Variants in FHAD1 observed in about 807,000 individuals in gnomAD.
The protein encoded by FHAD1 is forkhead associated phosphopeptide binding domain 1, also known as forkhead-associated domain-containing protein 1.
Under a neutral mutation model 191.3 loss-of-function variants are expected in FHAD1, and 146 were observed. That is an observed-to-expected ratio of 0.76 (90% confidence interval 0.67 to 0.88). The LOEUF (loss-of-function observed/expected upper bound fraction) is 0.88. Among genes scored for constraint, FHAD1 ranks in the 40% least tolerant of loss-of-function variants. The pLI, the probability that FHAD1 is intolerant of heterozygous loss-of-function variation, is 0.00. For missense variants in FHAD1, 1,635 were observed against 1,785.8 expected (o/e 0.92, Z 1.52); for synonymous variants, 616 against 672.3 (o/e 0.92, Z 1.29).
intron 20 of FHAD1, among the ~76,000 whole-genome samples, chr1:15,353,197 C>T (rs530667547): frequency 6.6e-6 from 1 of 152,256 alleles, no homozygotes; most frequent in South Asian, 2.1e-4. Flanking sequence ...TGAGACATGA[C>T]TGCTGTTATA....
Position 15,328,364 on chromosome 1 carries a change from A to C in FHAD1, c.1645A>C (p.Asn549His). ...CCTCCAGAAAGAGACCCAGCTGAGCAACTCCAAGCAGGAGGAGACCACCGA... is the reference window on the plus strand; with the variant it reads ...CCTCCAGAAAGAGACCCAGCTGAGCCACTCCAAGCAGGAGGAGACCACCGA... The part of the protein sequence containing the change: ...WTLQKETQLS[N>H]SKQEETTENI... Residue 549 changes from asparagine (N) to histidine (H), a missense_variant, in exon 13 of 34, where the codon AAC (asparagine) becomes CAC (histidine). Physicochemically the swap from Asn to His is moderately conservative, Grantham distance 68 (BLOSUM62 1). Coordinates refer to ENST00000688493, the MANE Select transcript of FHAD1 (RefSeq NM_001391957.1). 2 of 1,525,636 alleles carry C rather than the reference A, an allele frequency of 1.3e-6. No homozygotes were observed. Among genetic ancestry groups the C allele is most frequent in the Non-Finnish European group, 1.8e-6 (2 of 1,133,546 alleles). The allele number at this position is 1,525,636 out of a possible 1,614,324, so 94.5% of individuals were successfully genotyped here.
intron 20 of FHAD1, among the ~76,000 whole-genome samples, chr1:15,354,557 C>G (rs1215878178): frequency 6.6e-6 from 1 of 152,104 alleles, no homozygotes; most frequent in Admixed American, 6.5e-5. Context: ...GCAGCCGTGT[C>G]CCCCAGATGA....
At chr1:15,344,339 A>C (rs765353096) in intron 16 of FHAD1, among the ~76,000 whole-genome samples, 3 of 152,202 alleles carry the variant, frequency 2.0e-5, no homozygotes, top group Non-Finnish European at 1.5e-5. Flanking sequence ...AGGGAAAAAA[A>C]ATTCTATGTT....
Position 15,327,339 on chromosome 1 carries a change from C to T in FHAD1, c.1557+197C>T. 1 of 536,760 alleles carries T rather than the reference C, an allele frequency of 1.9e-6. No individual in the cohort carries two copies. The highest frequency in any genetic ancestry group is 3.3e-6 in the Non-Finnish European group (1 of 300,892). 33.2% of individuals were successfully genotyped at this position (536,760 alleles called of 1,614,324 possible). A position where few individuals can be genotyped will look rare whatever the true frequency, so the allele number is the denominator to read the frequency against. On this transcript the variant is annotated intron_variant, in intron 12 of 33. Coordinates refer to ENST00000688493, the MANE Select transcript of FHAD1 (RefSeq NM_001391957.1). This position sits in a 1 kb window ranked among gnomAD's most constrained non-coding sequence, Gnocchi z 5.1. ...TAAAGTAAAAGCCAGTTAAAACTCC[C>T]TTGAAATGTGTCTGTGAAAATCAAA...
At chr1:15,360,811 A>C in intron 22 of FHAD1, 108 bp downstream of exon 22, 1 of 886,594 alleles carries the variant, frequency 1.1e-6, no homozygotes, top group South Asian at 1.7e-5. Flanking sequence ...CCTCATTCGA[A>C]AGCTCATTCA....
chr1:15,269,063 T>C (rs2101139555), intron 2 of FHAD1, among the ~76,000 whole-genome samples: 1 of 152,266 alleles, frequency 6.6e-6, no homozygotes, highest in African/African-American at 2.4e-5. Flanking sequence ...GTCTTCTCTC[T>C]TTTTTTCTTG....
chr1:15,370,285 T>TCC (rs1305021715), intron 26 of FHAD1, among the ~76,000 whole-genome samples: 3 of 152,186 alleles, frequency 2.0e-5, no homozygotes, highest in African/African-American at 7.2e-5. Context: ...CCCATATAGA[T>TCC]ATTTGTTTAG....
In FHAD1 at chr1:15,247,293, C is replaced by T. The variant is rs1230821411; in HGVS notation, c.-117C>T. Reference sequence around the variant, plus strand: ...TGCCGGGTGCGAGCTGGAGACTCCGCGGGAGCGCGGCCGGGAGGCTTCGCC... The same window carrying T: ...TGCCGGGTGCGAGCTGGAGACTCCGTGGGAGCGCGGCCGGGAGGCTTCGCC... On this transcript the variant is annotated 5_prime_UTR_variant, in exon 1 of 34. Transcript: ENST00000688493. The T allele has an allele frequency of 1.5e-5, 3 of 200,090 alleles. No homozygotes were observed. The highest frequency in any genetic ancestry group is 3.2e-5 in the Non-Finnish European group (3 of 92,388). The allele number at this position is 200,090 out of a possible 1,614,324, so 12.4% of individuals were successfully genotyped here.
chr1:15,269,915 C>CTTT (rs144971337), intron 2 of FHAD1, among the ~76,000 whole-genome samples: 1,324 of 123,024 alleles, frequency 0.011, 27 homozygotes, highest in African/African-American at 0.032. Context: ...TTATGGCTCT[C>CTTT]TTTTTTTTTT....
At chr1:15,295,747 T>A (rs1213587422) in intron 4 of FHAD1, among the ~76,000 whole-genome samples, 1 of 152,232 alleles carries the variant, frequency 6.6e-6, no homozygotes, top group African/African-American at 2.4e-5. Context: ...CTATTTCTTG[T>A]TATAAATCCC....
chr1:15,388,395 A>T, intron 32 of FHAD1: 1 of 1,004,382 alleles, frequency 1.0e-6, no homozygotes, highest in Non-Finnish European at 1.2e-6. Context: ...AGAGACAAGC[A>T]CGCGTCCAGC....
At chr1:15,270,132 A>C (rs1655278298) in intron 2 of FHAD1, among the ~76,000 whole-genome samples, 1 of 152,002 alleles carries the variant, frequency 6.6e-6, no homozygotes, top group Non-Finnish European at 1.5e-5. Context: ...GCTGGTCTCA[A>C]ACTCCTGACC....
At chr1:15,363,825 A>G (rs1342063738) in intron 23 of FHAD1, 5 of 455,136 alleles carry the variant, frequency 1.1e-5, no homozygotes, top group Non-Finnish European at 2.2e-5. Context: ...AGAAAGCAGC[A>G]CGTAAAGAAG....
chr1:15,306,622 A>G (rs1398648869), intron 6 of FHAD1, among the ~76,000 whole-genome samples: 2 of 152,114 alleles, frequency 1.3e-5, no homozygotes, highest in Non-Finnish European at 1.5e-5. Context: ...TATCCCACCC[A>G]CTCCAACCAT....
chr1:15,366,807 C>G (rs553766591), intron 24 of FHAD1, among the ~76,000 whole-genome samples: 57 of 152,188 alleles, frequency 3.7e-4, no homozygotes, highest in Non-Finnish European at 7.2e-4. Context: ...TTTGTTCCTC[C>G]TTGTCTCTGT....
chr1:15,346,759 G>C (rs562027010), intron 18 of FHAD1, among the ~76,000 whole-genome samples: 1 of 152,334 alleles, frequency 6.6e-6, no homozygotes, highest in South Asian at 2.1e-4. Flanking sequence ...AGGAGTGCGG[G>C]CTTTGCAGCC....
chr1:15,302,183 A>C (rs1669029017), intron 6 of FHAD1, among the ~76,000 whole-genome samples: 1 of 152,188 alleles, frequency 6.6e-6, no homozygotes, highest in South Asian at 2.1e-4. Flanking sequence ...CTGTCACTTC[A>C]GTAACCGCGT....
intron 26 of FHAD1, among the ~76,000 whole-genome samples, chr1:15,371,736 G>T (rs1475585101): frequency 6.6e-6 from 1 of 152,252 alleles, no homozygotes; most frequent in Non-Finnish European, 1.5e-5. Flanking sequence ...ACCAAGGCCA[G>T]TGTAGAGCCA....
intron 14 of FHAD1, among the ~76,000 whole-genome samples, chr1:15,335,032 A>G (rs1344854190): frequency 1.3e-5 from 2 of 152,220 alleles, no homozygotes; most frequent in African/African-American, 4.8e-5. Context: ...CCTAAGAGAT[A>G]AAACACGCGT....
Sources: gnomAD v4.1 joint callset for allele counts (sites outside exome capture counted in the v4.1 genomes callset) on GRCh38, gnomAD v4.1.1 for gene constraint, Gnocchi (gnomAD v3.1) non-coding constraint, MANE v1.5 for transcripts, NCBI Gene and HGNC (gene_info 2026-07-23, HGNC 2026-07-21) for gene names.